Variants in ZNF100 observed in about 807,000 individuals in gnomAD.
ZNF100 encodes zinc finger protein 100 (Y1).
Under a neutral mutation model 15.8 loss-of-function variants are expected in ZNF100, and 12 were observed. The ratio of observed to expected loss-of-function variants is 0.76; its 90% CI spans 0.49 to 1.23. ZNF100 has a LOEUF of 1.23. Ranked by LOEUF, ZNF100 falls within the 50% of genes most tolerant of loss-of-function variation. The pLI is 0.00. For missense variants in ZNF100, 670 were observed against 635.6 expected (o/e 1.05, Z -0.58); for synonymous variants, 226 against 214.8 (o/e 1.05, Z -0.45).
intron 4 of ZNF100, 83 bp from the exon 5 acceptor site, chr19:21,728,072 T>A (rs1459628881): frequency 4.0e-6 from 5 of 1,240,730 alleles, no homozygotes; most frequent in Admixed American, 3.6e-5. Context: ...ACAAACTACA[T>A]AAATAAGATG....
chr19:21,755,061 C>T (rs533841716), intron 2 of ZNF100, among the ~76,000 whole-genome samples: 17 of 152,292 alleles, frequency 1.1e-4, no homozygotes, highest in Admixed American at 2.0e-4. Context: ...GCCTGTAATC[C>T]CAGCACTTTG....
In ZNF100 at chr19:21,726,288, T is replaced by C. The variant is rs146734490; in HGVS notation, c.*395A>G. 3.5e-3 allele frequency: 630 copies of C among 177,816 alleles called. 4 individuals are homozygous for C. Among genetic ancestry groups the C allele is most frequent in the African/African-American group, 0.014 (600 of 42,078 alleles). The allele number at this position is 177,816 out of a possible 1,614,324, so 11.0% of individuals were successfully genotyped here. On this transcript the variant is annotated 3_prime_UTR_variant, in exon 5 of 5. Transcript: ENST00000358296. ...TTTCACAGTCTTTATATTTGTACAA[T>C]ATTTCTCAAGTATAAATGCTTTCCT... is the stretch of plus-strand genomic sequence containing the variant.
chr19:21,736,273 A>G (rs2036007244), intron 4 of ZNF100, among the ~76,000 whole-genome samples: 3 of 151,990 alleles, frequency 2.0e-5, no homozygotes, highest in Admixed American at 1.3e-4. Context: ...TTTTTAATAG[A>G]GACAGAGTTT....
At chr19:21,739,960 TCTC>T (rs2036080017) in intron 4 of ZNF100, among the ~76,000 whole-genome samples, 1 of 152,172 alleles carries the variant, frequency 6.6e-6, no homozygotes, top group Non-Finnish European at 1.5e-5. Context: ...TCTATAAAAA[TCTC>T]AATAGCACAG....
At chr19:21,733,575 T>G in intron 4 of ZNF100, among the ~76,000 whole-genome samples, 1 of 152,146 alleles carries the variant, frequency 6.6e-6, no homozygotes, top group South Asian at 2.1e-4. Context: ...AAGAAACACA[T>G]AAAATAGTAA....
chr19:21,759,404 G>A (rs1254858261), intron 2 of ZNF100, among the ~76,000 whole-genome samples: 3 of 152,096 alleles, frequency 2.0e-5, no homozygotes, highest in Non-Finnish European at 4.4e-5. Context: ...AACAGTTTAT[G>A]GAAAGAAACA....
intron 4 of ZNF100, among the ~76,000 whole-genome samples, chr19:21,729,582 A>C (rs1023293765): frequency 5.9e-5 from 9 of 152,076 alleles, no homozygotes; most frequent in Non-Finnish European, 1.0e-4. Flanking sequence ...GAAAGAAAAA[A>C]TAAAAACAAA....
intron 2 of ZNF100, chr19:21,751,507 T>A (rs1478681067): frequency 1.9e-6 from 2 of 1,069,424 alleles, no homozygotes; most frequent in Non-Finnish European, 2.9e-6. Flanking sequence ...TTTTAACTTA[T>A]GCTGAAATCG....
Position 21,727,827 on chromosome 19 carries a change from T to C in ZNF100, c.485A>G (p.Asp162Gly). ...TATCAAACACTGGTTTAATTTGTTA[T>C]CATGTTCTTTGTGCACTTTACACTC... is the stretch of plus-strand genomic sequence containing the variant. ...VDECKVHKEH[D>G]NKLNQCLITT... is the part of the protein sequence containing the mutation. The change falls in exon 5 of 5, where the codon GAT (aspartate) becomes GGT (glycine). Residue 162 changes from aspartate (D) to glycine (G), a missense_variant. Physicochemically the swap from Asp to Gly is moderately conservative, Grantham distance 94. Transcript: ENST00000358296. The C allele has an allele frequency of 2.5e-6, 4 of 1,613,336 alleles. No homozygotes were observed. The highest frequency in any genetic ancestry group is 3.4e-6 in the Non-Finnish European group (4 of 1,179,630).
Position 21,726,970 on chromosome 19 carries a change from TATGGGTA to T in ZNF100, c.1335_1341del (p.Thr446ArgfsTer2). Reference sequence around the variant, plus strand: ...GGTTTCTCTCCAGTATGAATCATCTTATGGGTAGTAAGGTTTGAGGACTCATTAAAAG... The same window carrying T: ...GGTTTCTCTCCAGTATGAATCATCTTGTAAGGTTTGAGGACTCATTAAAAG... On this transcript the variant is annotated frameshift_variant, in exon 5 of 5. Transcript: ENST00000358296. LOFTEE classifies it low-confidence loss of function (END_TRUNC). The T allele has an allele frequency of 2.5e-6, 4 of 1,612,946 alleles. No homozygotes were observed. The highest frequency in any genetic ancestry group is 3.4e-6 in the Non-Finnish European group (4 of 1,179,472).
At chr19:21,767,376 T>C (rs757423828) in intron 1 of ZNF100, 51 bp downstream of exon 1, 1 of 1,609,734 alleles carries the variant, frequency 6.2e-7, no homozygotes. Flanking sequence ...TCCCACCAGT[T>C]CCAACCAGCC....
intron 4 of ZNF100, among the ~76,000 whole-genome samples, chr19:21,736,009 C>T (rs898215434): frequency 6.6e-6 from 1 of 152,132 alleles, no homozygotes; most frequent in Non-Finnish European, 1.5e-5. Context: ...AGGATGGTCT[C>T]GATCTCCCGA....
At chr19:21,741,092 A>G (rs73928595) in intron 4 of ZNF100, among the ~76,000 whole-genome samples, 13,114 of 152,190 alleles carry the variant, frequency 0.086, 731 homozygotes, top group South Asian at 0.18. Context: ...TAAAGAAGAA[A>G]ATCTTGTCAA....
At chr19:21,766,970 G>A (rs2036573659) in intron 1 of ZNF100, among the ~76,000 whole-genome samples, 1 of 147,510 alleles carries the variant, frequency 6.8e-6, no homozygotes, top group African/African-American at 2.5e-5. Flanking sequence ...CCCTAGCCTG[G>A]GCGACAGAGC....
chr19:21,767,454 C>T lies in ZNF100; in HGVS notation c.-25G>A, dbSNP rs373463537. ...TTTCTAGGCTTCTAGGGGGTCCTGG[C>T]GTCTTAGCTGTGGATCTCCCAATAT... On this transcript the variant is annotated 5_prime_UTR_variant, in exon 1 of 5. Transcript: ENST00000358296. The T allele has an allele frequency of 3.1e-6, 5 of 1,614,082 alleles. No homozygotes were observed. The highest frequency in any genetic ancestry group is 4.2e-6 in the Non-Finnish European group (5 of 1,179,966).
chr19:21,735,386 C>T (rs973845122), intron 4 of ZNF100, among the ~76,000 whole-genome samples: 90 of 150,728 alleles, frequency 6.0e-4, no homozygotes, highest in African/African-American at 2.0e-3. Context: ...CCCAGCTACT[C>T]GGGAGGCTGA....
In ZNF100 at chr19:21,723,194, A is replaced by T. The variant is rs74167876; in HGVS notation, c.*3489T>A. On this transcript the variant is annotated 3_prime_UTR_variant, in exon 5 of 5. Coordinates refer to ENST00000358296, the MANE Select transcript of ZNF100 (RefSeq NM_173531.4). ...TGGTGAAACTTCGTCTCTACAAAAA[A>T]TTAAAAAAAAAAAAATTCAGCCAGA... 6.6e-6 allele frequency: 1 copy of T among 150,814 alleles called. No homozygotes were observed. The highest frequency in any genetic ancestry group is 2.4e-5 in the African/African-American group (1 of 40,954). 9.3% of individuals were successfully genotyped at this position (150,814 alleles called of 1,614,324 possible). A position where few individuals can be genotyped will look rare whatever the true frequency, so the allele number is the denominator to read the frequency against.
intron 2 of ZNF100, chr19:21,751,200 G>C: frequency 7.6e-7 from 1 of 1,308,944 alleles, no homozygotes; most frequent in South Asian, 1.2e-5. Flanking sequence ...TTACTAAAAA[G>C]TATAGCTCAT....
At chr19:21,744,747 G>A (rs1341415403) in intron 3 of ZNF100, among the ~76,000 whole-genome samples, 194 bp downstream of exon 3, 1 of 152,078 alleles carries the variant, frequency 6.6e-6, no homozygotes, top group Non-Finnish European at 1.5e-5. Flanking sequence ...ATACAGATCA[G>A]CTCAGGAATA....
Sources: allele counts gnomAD v4.1 joint callset (sites outside exome capture counted in the v4.1 genomes callset), GRCh38; gene constraint gnomAD v4.1.1; transcripts MANE v1.5; gene names NCBI Gene and HGNC (gene_info 2026-07-23, HGNC 2026-07-21).